The following RNF38 variants were observed in gnomAD, a reference collection of about 807,000 sequenced individuals.
RNF38 encodes ring finger protein 38, also known as E3 ubiquitin-protein ligase RNF38.
RNF38 carries 15 observed loss-of-function variants against 67.2 expected under a neutral mutation model. That is an observed-to-expected ratio of 0.22 (90% CI 0.15 to 0.34). The LOEUF is 0.34. RNF38 is among the 10% of genes least tolerant of loss of function. The probability of loss-of-function intolerance (pLI) is 1.00; values close to 1 mark genes in which losing one functional copy is unlikely to be tolerated. For synonymous variants in RNF38, 220 were observed against 218.8 expected (o/e 1.01, Z -0.05); for missense variants, 524 against 639.9 (o/e 0.82, Z 1.95).
At chr9:36,402,903 A>G (rs1419905629), upstream of RNF38, among the ~76,000 whole-genome samples, 10 of 151,924 alleles carry the variant, frequency 6.6e-5, no homozygotes, top group Admixed American at 6.6e-4. Context: ...CCCAGGCTGG[A>G]GTGCAATGGC....
At chr9:36,339,923 C>T in intron 11 of RNF38, 109 bp from the exon 12 acceptor site, 1 of 998,630 alleles carries the variant, frequency 1.0e-6, no homozygotes, top group Admixed American at 2.0e-5. Context: ...CTTTCTTCCT[C>T]TGAAGAGGTA....
chr9:36,385,541 G>T (rs1464658999), intron 2 of RNF38, among the ~76,000 whole-genome samples: 1 of 152,130 alleles, frequency 6.6e-6, no homozygotes, highest in East Asian at 1.9e-4. Flanking sequence ...ACCACATCCG[G>T]ATAATTTTTG....
At chr9:36,392,045 A>G (rs547946196) in intron 1 of RNF38, among the ~76,000 whole-genome samples, 57 of 152,378 alleles carry the variant, frequency 3.7e-4, no homozygotes, top group Non-Finnish European at 5.9e-4. Flanking sequence ...CAGTGTAGTC[A>G]GGAAACTGCA....
chr9:36,475,595 A>G (rs144506048), intron 1 of RNF38, among the ~76,000 whole-genome samples: 4,708 of 151,518 alleles, frequency 0.031, 165 homozygotes, highest in Admixed American at 0.11. Context: ...CTGACCTCAG[A>G]TGATCCGCCA....
intron 1 of RNF38, among the ~76,000 whole-genome samples, chr9:36,450,272 T>A (rs1032453364): frequency 1.3e-5 from 2 of 151,942 alleles, no homozygotes; most frequent in Admixed American, 6.6e-5. Flanking sequence ...ACTTTTTTTT[T>A]ATATAATTAT....
chr9:36,400,719 G>A, upstream of RNF38: 8 of 985,658 alleles, frequency 8.1e-6, no homozygotes, highest in Non-Finnish European at 9.6e-6. Flanking sequence ...CTGTCACTGC[G>A]CTTCCTTCCT....
intron 2 of RNF38, among the ~76,000 whole-genome samples, chr9:36,382,249 G>GTACAT (rs1836266389): frequency 6.6e-6 from 1 of 152,134 alleles, no homozygotes; most frequent in Non-Finnish European, 1.5e-5. Flanking sequence ...ATAGAACGTT[G>GTACAT]TACAGACATT....
At chr9:36,354,249 G>A (rs1038404301) in intron 6 of RNF38, among the ~76,000 whole-genome samples, 9 of 152,128 alleles carry the variant, frequency 5.9e-5, no homozygotes, top group South Asian at 2.1e-4. Flanking sequence ...CTGGAGTGCA[G>A]TGGCGCCATC....
At chr9:36,351,774 A>G (rs1365597416) in intron 8 of RNF38, among the ~76,000 whole-genome samples, 2 of 152,172 alleles carry the variant, frequency 1.3e-5, no homozygotes, top group Non-Finnish European at 2.9e-5. Context: ...GTTCTGGCCA[A>G]TGTGATACAG....
intron 9 of RNF38, among the ~76,000 whole-genome samples, chr9:36,347,848 G>A (rs750365815): frequency 1.4e-4 from 21 of 151,418 alleles, no homozygotes; most frequent in East Asian, 8.0e-4. Context: ...GAGGCTGAGC[G>A]GGTGGATCAT....
intron 1 of RNF38, among the ~76,000 whole-genome samples, chr9:36,451,410 G>A (rs939012141): frequency 6.6e-5 from 10 of 150,526 alleles, no homozygotes; most frequent in Non-Finnish European, 1.3e-4. Context: ...AGGTCGCAGT[G>A]AGCCGAGATG....
intron 4 of RNF38, among the ~76,000 whole-genome samples, chr9:36,359,784 C>T (rs556112377): frequency 1.3e-4 from 19 of 147,326 alleles, no homozygotes; most frequent in East Asian, 2.0e-4. Flanking sequence ...CCAGCCTTGT[C>T]GCCCAGGCTG....
chr9:36,342,316 T>A lies in RNF38; in HGVS notation c.1485+9A>T. On this transcript the variant is annotated intron_variant, in intron 11 of 11. Transcript: ENST00000259605. The stretch of plus-strand genomic sequence containing the variant: ...AATGTCATTTCCTTTAAAGATGTCA[T>A]CACTTTACCTTAAGCCATTTGTCAA... The A allele has an allele frequency of 6.4e-7, 1 of 1,574,142 alleles. No homozygotes were observed. Among genetic ancestry groups the A allele is most frequent in the Non-Finnish European group, 8.7e-7 (1 of 1,143,660 alleles).
intron 3 of RNF38, among the ~76,000 whole-genome samples, chr9:36,373,917 CTGATCTCAGG>C (rs1835585571): frequency 6.6e-6 from 1 of 151,838 alleles, no homozygotes; most frequent in African/African-American, 2.4e-5. Flanking sequence ...TCTCGAACTC[CTGATCTCAGG>C]TGATCCATCC....
In RNF38 at chr9:36,376,140, C is replaced by T; in HGVS notation, c.163-13G>A. 6.5e-7 allele frequency: 1 copy of T among 1,538,604 alleles called. No homozygotes were observed. The highest frequency in any genetic ancestry group is 2.4e-5 in the East Asian group (1 of 41,522). ...GACTATCTTCACTCTGCCAATGCAA[C>T]AAAATGGATCAACTGAGTAAGATCT... On this transcript the variant is annotated splice_polypyrimidine_tract_variant and intron_variant, in intron 2 of 11. Transcript: ENST00000259605.
At chr9:36,392,728 A>G (rs1310433084) in intron 1 of RNF38, among the ~76,000 whole-genome samples, 1 of 152,208 alleles carries the variant, frequency 6.6e-6, no homozygotes, top group Non-Finnish European at 1.5e-5. Flanking sequence ...CTGCAATACT[A>G]TACTCCAGCC....
intron 4 of RNF38, among the ~76,000 whole-genome samples, chr9:36,361,029 C>A (rs898515649): frequency 7.9e-5 from 12 of 152,080 alleles, no homozygotes; most frequent in Middle Eastern, 6.8e-3. Flanking sequence ...GTTGTCCAGG[C>A]TGTTCTCCAA....
At chr9:36,359,367 C>T (rs1564007375) in intron 4 of RNF38, among the ~76,000 whole-genome samples, 1 of 151,282 alleles carries the variant, frequency 6.6e-6, no homozygotes, top group Non-Finnish European at 1.5e-5. Context: ...TTTCCTAATT[C>T]TTTAGTTTTT....
chr9:36,452,925 G>C (rs997184914), intron 1 of RNF38, among the ~76,000 whole-genome samples: 1 of 152,116 alleles, frequency 6.6e-6, no homozygotes, highest in African/African-American at 2.4e-5. Flanking sequence ...AATTGTTTCT[G>C]TTTTTCAGCT....
Sources: gnomAD v4.1 joint callset for allele counts (sites outside exome capture counted in the v4.1 genomes callset) on GRCh38, gnomAD v4.1.1 for gene constraint, MANE v1.5 for transcripts, NCBI Gene and HGNC (gene_info 2026-07-23, HGNC 2026-07-21) for gene names.